Variants in EXT1 observed in about 807,000 individuals in gnomAD.
The protein encoded by EXT1 is exostosin-1.
A neutral mutation model predicts 82.5 loss-of-function variants in EXT1; 20 were observed. The ratio of observed to expected loss-of-function variants is 0.24; its 90% CI spans 0.17 to 0.35. The LOEUF is 0.35. Ranked by LOEUF, EXT1 falls within the 10% of genes least tolerant of loss-of-function variation. The probability of loss-of-function intolerance (pLI) is 1.00; values close to 1 mark genes in which losing one functional copy is unlikely to be tolerated. For synonymous variants in EXT1, 348 were observed against 350.8 expected (o/e 0.99, Z 0.09); for missense variants, 757 against 936.5 (o/e 0.81, Z 2.50).
At chr8:118,094,471 CA>C (rs2130006443) in intron 1 of EXT1, among the ~76,000 whole-genome samples, 1 of 152,298 alleles carries the variant, frequency 6.6e-6, no homozygotes, top group East Asian at 1.9e-4. Context: ...TAAACACATA[CA>C]AACGGTAAGC....
intron 1 of EXT1, among the ~76,000 whole-genome samples, chr8:118,108,398 C>A: frequency 6.6e-6 from 1 of 152,112 alleles, no homozygotes; most frequent in East Asian, 1.9e-4. Flanking sequence ...ATAAACCAGA[C>A]AAAGAAATTC....
intron 9 of EXT1, among the ~76,000 whole-genome samples, chr8:117,805,448 T>G (rs1823223644): frequency 6.6e-6 from 1 of 152,210 alleles, no homozygotes; most frequent in Admixed American, 6.5e-5. Context: ...TCTGAATTAA[T>G]GGGGTGGTCA....
At chr8:118,018,035 T>A (rs1016532270) in intron 1 of EXT1, among the ~76,000 whole-genome samples, 1 of 152,236 alleles carries the variant, frequency 6.6e-6, no homozygotes, top group African/African-American at 2.4e-5. Flanking sequence ...TTCTTACAAT[T>A]AATTTTCACC....
Position 117,799,792 on chromosome 8 carries a change from G to A in EXT1, c.2161C>T (p.Gln721Ter), listed in dbSNP as rs764391436. ...AAGAGGACGGGGTCGAGCCTCATCTGAGAGTGGATCAGCGGCATGTAGCCA... is the reference window on the plus strand; with the variant it reads ...AAGAGGACGGGGTCGAGCCTCATCTAAGAGTGGATCAGCGGCATGTAGCCA... ...WFGYMPLIHSQMRLDPVLFKD... is the reference protein window; with the variant it reads ...WFGYMPLIHS The change falls in exon 11 of 11, where the codon CAG becomes TAG. Residue 721 changes from glutamine to a stop codon, truncating the protein, a stop_gained. Transcript: ENST00000378204. LOFTEE classifies it high-confidence loss of function. The A allele has an allele frequency of 6.2e-7, 1 of 1,614,184 alleles. No individual in the cohort carries two copies. Among genetic ancestry groups the A allele is most frequent in the Non-Finnish European group, 8.5e-7 (1 of 1,180,024 alleles).
chr8:117,966,438 A>T (rs1402993092), intron 1 of EXT1, among the ~76,000 whole-genome samples: 1 of 152,238 alleles, frequency 6.6e-6, no homozygotes, highest in Admixed American at 6.5e-5. Context: ...TATATTAATA[A>T]TAACATCTCC....
intron 6 of EXT1, 35 bp from the exon 7 acceptor site, chr8:117,818,565 A>C (rs748558203): frequency 3.2e-6 from 5 of 1,542,748 alleles, no homozygotes; most frequent in Non-Finnish European, 4.5e-6. Flanking sequence ...TGGCTGGGGT[A>C]GGATGTATTT....
At chr8:118,093,576 C>G (rs555223733) in intron 1 of EXT1, among the ~76,000 whole-genome samples, 4 of 152,210 alleles carry the variant, frequency 2.6e-5, no homozygotes, top group Non-Finnish European at 4.4e-5. Flanking sequence ...CACAGATGAC[C>G]CAATGACAGC....
At chr8:117,946,800 G>A (rs1319922826) in intron 1 of EXT1, among the ~76,000 whole-genome samples, 1 of 149,446 alleles carries the variant, frequency 6.7e-6, no homozygotes, top group African/African-American at 2.6e-5. Flanking sequence ...CCGTTCGGAG[G>A]GATTTTCCAC....
chr8:117,902,168 G>C (rs569572479), intron 1 of EXT1, among the ~76,000 whole-genome samples: 1 of 151,730 alleles, frequency 6.6e-6, no homozygotes, highest in Non-Finnish European at 1.5e-5. Flanking sequence ...ACAATAACAC[G>C]CATGGAGCTG....
At chr8:117,865,908 C>T (rs1812767707) in intron 1 of EXT1, among the ~76,000 whole-genome samples, 1 of 152,170 alleles carries the variant, frequency 6.6e-6, no homozygotes, top group Non-Finnish European at 1.5e-5. Context: ...GGAGGCTTGT[C>T]TTTCTTGTGT....
chr8:118,055,992 G>T (rs1461162394), intron 1 of EXT1, among the ~76,000 whole-genome samples: 1 of 152,044 alleles, frequency 6.6e-6, no homozygotes, highest in Non-Finnish European at 1.5e-5. Context: ...CCAATCTTTT[G>T]GCTTCCCTGG....
intron 1 of EXT1, among the ~76,000 whole-genome samples, chr8:118,102,629 A>T (rs987051532): frequency 6.6e-6 from 1 of 152,210 alleles, no homozygotes; most frequent in Non-Finnish European, 1.5e-5. Flanking sequence ...ATTAAATAAT[A>T]ATTAACCTAT....
intron 7 of EXT1, among the ~76,000 whole-genome samples, chr8:117,817,764 G>T (rs1001759837): frequency 2.0e-5 from 3 of 152,142 alleles, no homozygotes; most frequent in Admixed American, 6.5e-5. Flanking sequence ...AGCAATGAGA[G>T]AAAAGATTGG....
Position 117,933,236 on chromosome 8 carries a change from ATTTTT to A in EXT1, c.963-96040_963-96036del, listed in dbSNP as rs34159778. Among the ~76,000 whole-genome samples, 1,285 of 133,242 alleles carry A rather than the reference ATTTTT, an allele frequency of 9.6e-3. 18 individuals carry two copies. The highest frequency in any genetic ancestry group is 0.033 in the African/African-American group (1,203 of 36,002). The allele number at this position is 133,242 out of a possible 152,430, so 87.4% of individuals were successfully genotyped here. On this transcript the variant is annotated intron_variant, in intron 1 of 10. Coordinates refer to ENST00000378204, the MANE Select transcript of EXT1 (RefSeq NM_000127.3). ...ATCACTCTCAGATGTTCTGCTGGGT[ATTTTT>A]TTTTTTTTTTTTTTGGTTTATTTGA...
chr8:117,861,705 A>T (rs1353267698), intron 1 of EXT1, among the ~76,000 whole-genome samples: 1 of 143,730 alleles, frequency 7.0e-6, no homozygotes, highest in Non-Finnish European at 1.6e-5. Flanking sequence ...CATGCTGGCC[A>T]GGCTGGCCTT....
At chr8:117,999,518 G>T (rs565686779) in intron 1 of EXT1, among the ~76,000 whole-genome samples, 56 of 152,256 alleles carry the variant, frequency 3.7e-4, no homozygotes, top group African/African-American at 1.2e-3. Context: ...ATTCTGATCA[G>T]CTCCCACAGA....
rs775804959 is a variant in EXT1 at position 117,835,510 on chromosome 8, C to T, written c.1098G>A (p.Leu366=). 3.1e-6 allele frequency: 5 copies of T among 1,614,158 alleles called. No homozygotes were observed. Among genetic ancestry groups the T allele is most frequent in the Non-Finnish European group, 4.2e-6 (5 of 1,180,012 alleles). The change falls in exon 3 of 11, where the codon TTG becomes TTA. Residue 366 remains leucine, a synonymous_variant. Transcript: ENST00000378204. ...VPVMLSNGWE[L]PFSEVINWNQ... ...TCCAATTAATCACTTCAGAGAATGG[C>T]AACTCCCATCCATTGCTGAGCATCA... is the stretch of plus-strand genomic sequence containing the variant.
intron 1 of EXT1, among the ~76,000 whole-genome samples, chr8:117,889,026 C>T (rs7004615): frequency 0.93 from 141,862 of 152,192 alleles, 66,479 homozygotes; most frequent in Non-Finnish European, 0.98. Context: ...CCTGCAGCCA[C>T]GTAAGAGGGT....
chr8:117,946,673 T>C (rs572965709), intron 1 of EXT1, among the ~76,000 whole-genome samples: 6 of 150,536 alleles, frequency 4.0e-5, no homozygotes, highest in Admixed American at 2.6e-4. Flanking sequence ...CTAGCTTGTT[T>C]CAGCAAACAG....
Sources: allele counts gnomAD v4.1 joint callset (sites outside exome capture counted in the v4.1 genomes callset), GRCh38; gene constraint gnomAD v4.1.1; transcripts MANE v1.5; gene names NCBI Gene and HGNC (gene_info 2026-07-23, HGNC 2026-07-21).